PTPRD: variants seen among roughly 807,000 people sequenced by gnomAD.
PTPRD encodes the protein protein tyrosine phosphatase receptor type D.
A neutral mutation model predicts 214.5 loss-of-function variants in PTPRD; 34 were observed. The observed-to-expected ratio is 0.16, with a 90% confidence interval of 0.12 to 0.21. The LOEUF (loss-of-function observed/expected upper bound fraction) is 0.21, where lower values mean the gene tolerates loss of function less well. Ranked by LOEUF, PTPRD falls within the 10% of genes least tolerant of loss-of-function variation. PTPRD has a pLI of 1.00. For missense variants in PTPRD, 2,545 were observed against 2,398.7 expected, an observed-to-expected ratio of 1.06 and a Z score of -1.27; for synonymous variants, 1,128 against 845.7, an observed-to-expected ratio of 1.33 and a Z score of -5.79.
chr9:10,085,707 A>G (rs766805799), intron 3 of PTPRD, among the ~76,000 whole-genome samples: 51 of 151,910 alleles, frequency 3.4e-4, no homozygotes, highest in Non-Finnish European at 6.6e-4. Context: ...ACACACACAC[A>G]CGCACAAAGG....
At chr9:8,508,823 A>G (rs933475743) in intron 21 of PTPRD, among the ~76,000 whole-genome samples, 3 of 152,026 alleles carry the variant, frequency 2.0e-5, no homozygotes, top group Admixed American at 6.6e-5. Context: ...AATGATTTGT[A>G]GAATTCCTAA....
At chr9:8,953,886 T>C (rs540993307) in intron 11 of PTPRD, among the ~76,000 whole-genome samples, 1 of 152,036 alleles carries the variant, frequency 6.6e-6, no homozygotes, top group Non-Finnish European at 1.5e-5. Flanking sequence ...GGGACACTTA[T>C]ACACTGGTGG....
At chr9:9,865,026 ATATTCT>A (rs2063634464) in intron 5 of PTPRD, among the ~76,000 whole-genome samples, 1 of 151,354 alleles carries the variant, frequency 6.6e-6, no homozygotes, top group African/African-American at 2.5e-5. Context: ...AAATACCTCT[ATATTCT>A]TATTTGAAGT....
At chr9:10,101,249 C>G (rs1561717) in intron 3 of PTPRD, among the ~76,000 whole-genome samples, 1 of 127,678 alleles carries the variant, frequency 7.8e-6, no homozygotes, top group Non-Finnish European at 1.8e-5. Flanking sequence ...CTATGGGACT[C>G]GCTGAAAGTA....
chr9:9,845,034 A>G (rs990608667), intron 5 of PTPRD, among the ~76,000 whole-genome samples: 2 of 143,404 alleles, frequency 1.4e-5, no homozygotes, highest in South Asian at 4.3e-4. Flanking sequence ...ATATACTGCT[A>G]TATATATATA....
chr9:9,749,713 G>A (rs1234661446), intron 6 of PTPRD, among the ~76,000 whole-genome samples: 1 of 152,146 alleles, frequency 6.6e-6, no homozygotes, highest in Non-Finnish European at 1.5e-5. Flanking sequence ...GCCTCAGGAA[G>A]AGATTTATAT....
At chr9:9,289,375 A>G (rs765714732) in intron 9 of PTPRD, among the ~76,000 whole-genome samples, 21 of 152,024 alleles carry the variant, frequency 1.4e-4, no homozygotes, top group Non-Finnish European at 1.6e-4. Context: ...AATCAAAATT[A>G]TATGTATTCA....
At chr9:9,756,798 T>C (rs1317152154) in intron 6 of PTPRD, among the ~76,000 whole-genome samples, 3 of 152,188 alleles carry the variant, frequency 2.0e-5, no homozygotes, top group African/African-American at 7.2e-5. Context: ...GACCACAGTC[T>C]TAAAGATTAC....
chr9:9,757,513 T>A (rs1417424464), intron 6 of PTPRD, among the ~76,000 whole-genome samples: 1 of 152,192 alleles, frequency 6.6e-6, no homozygotes, highest in Admixed American at 6.5e-5. Flanking sequence ...GACAACGATT[T>A]CAGAAAAAGT....
intron 2 of PTPRD, among the ~76,000 whole-genome samples, chr9:10,606,593 T>C (rs2079453581): frequency 6.6e-6 from 1 of 151,146 alleles, no homozygotes; most frequent in Admixed American, 6.6e-5. Context: ...TGAGATAAAA[T>C]ATGAGGTTTG....
chr9:10,239,283 T>A (rs1038534856), intron 3 of PTPRD, among the ~76,000 whole-genome samples: 2 of 150,400 alleles, frequency 1.3e-5, no homozygotes, highest in South Asian at 4.1e-4. Flanking sequence ...TGAATGTGAC[T>A]AAAATGGTAT....
chr9:10,147,006 G>T (rs1592358068), intron 3 of PTPRD, among the ~76,000 whole-genome samples: 1 of 151,768 alleles, frequency 6.6e-6, no homozygotes, highest in Non-Finnish European at 1.5e-5. Context: ...AAATGCCTGG[G>T]CACAGCCGAT....
chr9:9,939,997 G>A (rs2090953488), intron 4 of PTPRD, among the ~76,000 whole-genome samples: 1 of 152,112 alleles, frequency 6.6e-6, no homozygotes, highest in Non-Finnish European at 1.5e-5. Context: ...TATGGATCTT[G>A]TGCCAGGTGA....
intron 5 of PTPRD, among the ~76,000 whole-genome samples, chr9:9,772,766 T>C (rs1281393339): frequency 6.7e-6 from 1 of 149,108 alleles, no homozygotes; most frequent in Non-Finnish European, 1.5e-5. Context: ...AATTGCCATC[T>C]TCACTCATTG....
chr9:9,780,604 T>C (rs1301373790), intron 5 of PTPRD, among the ~76,000 whole-genome samples: 1 of 152,146 alleles, frequency 6.6e-6, no homozygotes, highest in Non-Finnish European at 1.5e-5. Flanking sequence ...AATGCAAAAA[T>C]GGCACAGGCA....
intron 7 of PTPRD, among the ~76,000 whole-genome samples, chr9:9,619,971 A>G (rs1004571699): frequency 6.6e-5 from 10 of 151,746 alleles, no homozygotes; most frequent in Non-Finnish European, 8.8e-5. Flanking sequence ...CCACATATAT[A>G]TGGAGAAAGA....
chr9:10,361,312 G>T (rs758135572), intron 2 of PTPRD, among the ~76,000 whole-genome samples: 3 of 152,156 alleles, frequency 2.0e-5, no homozygotes, highest in African/African-American at 4.8e-5. Context: ...ACTCATAAGA[G>T]AAAAGAGTGA....
chr9:8,959,095 A>G (rs62529135), intron 11 of PTPRD, among the ~76,000 whole-genome samples: 30,834 of 151,930 alleles, frequency 0.2, 3,671 homozygotes, highest in African/African-American at 0.31. Context: ...ATATTATCTT[A>G]TTGTGACAAT....
intron 2 of PTPRD, among the ~76,000 whole-genome samples, chr9:10,380,466 G>T (rs989116946): frequency 1.3e-5 from 2 of 151,950 alleles, no homozygotes; most frequent in Non-Finnish European, 2.9e-5. Context: ...GCATCAGAAA[G>T]GTTTATTTAG....
Sources: allele counts gnomAD v4.1 joint callset (sites outside exome capture counted in the v4.1 genomes callset), GRCh38; gene constraint gnomAD v4.1.1; transcripts MANE v1.5; gene names NCBI Gene and HGNC (gene_info 2026-07-23, HGNC 2026-07-21).